NUP214: variants seen among roughly 807,000 people sequenced by gnomAD.
The protein encoded by NUP214 is nucleoporin 214.
NUP214 carries 79 observed loss-of-function variants against 196.2 expected under a neutral mutation model. The ratio of observed to expected loss-of-function variants is 0.40; its 90% confidence interval spans 0.34 to 0.49. NUP214 has a LOEUF of 0.49. Among genes scored for constraint, NUP214 ranks in the 20% least tolerant of loss-of-function variants. The pLI is 0.58. For synonymous variants in NUP214, 1,020 were observed against 990.5 expected, an observed-to-expected ratio of 1.03 and a Z score of -0.56; for missense variants, 2,468 against 2,539.0, an observed-to-expected ratio of 0.97 and a Z score of 0.60.
At chr9:131,193,051 A>G (rs1833657012) in intron 27 of NUP214, among the ~76,000 whole-genome samples, 1 of 151,134 alleles carries the variant, frequency 6.6e-6, no homozygotes, top group Non-Finnish European at 1.5e-5. Context: ...GAGGTTTTAT[A>G]TAGATGTGGA....
intron 11 of NUP214, among the ~76,000 whole-genome samples, chr9:131,142,798 G>A (rs1588128710): frequency 6.6e-6 from 1 of 152,022 alleles, no homozygotes; most frequent in African/African-American, 2.4e-5. Flanking sequence ...TTCAGAAAGT[G>A]GTATTTTCAT....
At position 131,174,163 on chromosome 9, in the gene NUP214, C is replaced by T. The variant is rs557980857; in HGVS notation, c.3002C>T (p.Thr1001Met). Residue 1001 changes from threonine to methionine, a missense_variant, in exon 22 of 36, where the codon ACG (threonine) becomes ATG (methionine). By Grantham distance (81) the Thr-to-Met change is moderately conservative. This residue lies in a region of NUP214 where 1,801 missense variants were observed against 1,779.4 expected (regional missense o/e 1.01). Transcript: ENST00000359428. ...TCTCTGGAGAGTGAAGATGCACGGA[C>T]GTCCTGTAAAGATGACGAGGCAGTG... is the stretch of plus-strand genomic sequence containing the variant. Reference protein sequence around the residue: ...SQSLESEDARTSCKDDEAVVQ... With the variant: ...SQSLESEDARMSCKDDEAVVQ... 1.4e-5 allele frequency: 22 copies of T among 1,613,652 alleles called. No homozygotes were observed. The highest frequency in any genetic ancestry group is 3.3e-5 in the Admixed American group (2 of 59,820).
Position 131,157,180 on chromosome 9 carries a change from C to T in NUP214, c.2437-2203C>T, listed in dbSNP as rs75617343. ...TTGTTTTGTTTTTTAATTTTGGACA[C>T]GGTCTTTCTCTGTTGCTTGGGCCAG... On this transcript the variant is annotated intron_variant, in intron 17 of 35. Coordinates refer to ENST00000359428, the MANE Select transcript of NUP214 (RefSeq NM_005085.4). 7.6e-3 allele frequency among the ~76,000 whole-genome samples: 1,146 copies of T among 151,136 alleles called. 13 individuals are homozygous for T. The highest frequency in any genetic ancestry group is 0.026 in the African/African-American group (1,075 of 41,156).
chr9:131,219,415 C>G (rs74506521), intron 31 of NUP214, among the ~76,000 whole-genome samples: 1 of 152,150 alleles, frequency 6.6e-6, no homozygotes, highest in Non-Finnish European at 1.5e-5. Context: ...ATTTATGCCC[C>G]GGGCTGCTTT....
chr9:131,227,075 A>T (rs1422745388), intron 32 of NUP214, among the ~76,000 whole-genome samples: 2 of 152,262 alleles, frequency 1.3e-5, no homozygotes, highest in African/African-American at 4.8e-5. Context: ...CACATTTCTT[A>T]TGCCATTCTA....
chr9:131,226,839 T>C (rs1357399332), intron 32 of NUP214, among the ~76,000 whole-genome samples: 1 of 152,204 alleles, frequency 6.6e-6, no homozygotes, highest in African/African-American at 2.4e-5. Context: ...AGCTGACAAC[T>C]TTTCATACCC....
In NUP214 at chr9:131,177,881, A is replaced by G. The variant is rs150611788; in HGVS notation, c.3320-430A>G. Among the ~76,000 whole-genome samples, 7 of 152,274 alleles carry G rather than the reference A, an allele frequency of 4.6e-5. No individual in the cohort carries two copies. In the East Asian group the frequency reaches 9.7e-4, roughly 21 times the overall value. ...AGAAGAAACTATAGATACATTTTGT[A>G]TTCGCAGCCCCTAACACAGAGCCTG... On this transcript the variant is annotated intron_variant, in intron 23 of 35. Transcript: ENST00000359428.
chr9:131,212,189 A>T (rs1253332631), intron 30 of NUP214, among the ~76,000 whole-genome samples: 1 of 152,142 alleles, frequency 6.6e-6, no homozygotes, highest in African/African-American at 2.4e-5. Flanking sequence ...CCTGCCTAGT[A>T]AATTTTAGTC....
intron 21 of NUP214, among the ~76,000 whole-genome samples, chr9:131,170,552 A>G (rs765623002): frequency 3.9e-5 from 6 of 152,138 alleles, no homozygotes; most frequent in Admixed American, 6.5e-5. Context: ...TAAAAATTTA[A>G]TTGCAAAAAT....
chr9:131,150,753 A>G lies in NUP214; in HGVS notation c.2265A>G (p.Lys755=). Residue 755 remains lysine (K), a synonymous_variant, in exon 16 of 36, where the codon AAA becomes AAG. Coordinates refer to ENST00000359428, the MANE Select transcript of NUP214 (RefSeq NM_005085.4). ...DDLHTFLLEI[K]ETTESLHGDI... Reference sequence around the variant, plus strand: ...TGCATACCTTTCTTTTGGAGATTAAAGAGACCACAGAGGTTTGTGTTTATG... The same window carrying G: ...TGCATACCTTTCTTTTGGAGATTAAGGAGACCACAGAGGTTTGTGTTTATG... The G allele has an allele frequency of 6.2e-7, 1 of 1,610,398 alleles. No individual in the cohort carries two copies. Among genetic ancestry groups the G allele is most frequent in the Non-Finnish European group, 8.5e-7 (1 of 1,179,026 alleles).
At chr9:131,171,710 C>T (rs1832964148) in intron 21 of NUP214, among the ~76,000 whole-genome samples, 1 of 152,116 alleles carries the variant, frequency 6.6e-6, no homozygotes, top group African/African-American at 2.4e-5. Flanking sequence ...CTCCTCCCCG[C>T]ACCCCACAAC....
intron 30 of NUP214, among the ~76,000 whole-genome samples, chr9:131,210,035 G>T (rs985636756): frequency 2.0e-5 from 3 of 152,150 alleles, no homozygotes; most frequent in Non-Finnish European, 4.4e-5. Flanking sequence ...TCAACCCTTA[G>T]TGAAATCTGA....
intron 4 of NUP214, 90 bp downstream of exon 4, chr9:131,129,567 G>T: frequency 3.0e-6 from 4 of 1,324,438 alleles, no homozygotes; most frequent in African/African-American, 1.5e-5. Context: ...ATAGCTTTTT[G>T]TGTTTTGGTT....
chr9:131,215,932 C>T (rs1232651899), intron 31 of NUP214, among the ~76,000 whole-genome samples: 4 of 102,858 alleles, frequency 3.9e-5, no homozygotes, highest in Admixed American at 1.3e-4. Context: ...GACAGAGTTT[C>T]ACTCTTGTTG....
At chr9:131,130,205 G>A (rs566830250) in intron 4 of NUP214, among the ~76,000 whole-genome samples, 17 of 138,148 alleles carry the variant, frequency 1.2e-4, no homozygotes, top group Non-Finnish European at 2.2e-4. Context: ...GTGCAGTGGC[G>A]CGATCTCAGC....
chr9:131,205,688 G>GT (rs1179362057), intron 30 of NUP214, among the ~76,000 whole-genome samples: 7 of 152,050 alleles, frequency 4.6e-5, no homozygotes, highest in Non-Finnish European at 8.8e-5. Flanking sequence ...GCCTAGGTTT[G>GT]TTTTTTTGTT....
At chr9:131,190,364 A>G in intron 26 of NUP214, 1 of 652,348 alleles carries the variant, frequency 1.5e-6, no homozygotes, top group Non-Finnish European at 2.7e-6. Flanking sequence ...ACTTTGCTTT[A>G]TGCATGTCTG....
At chr9:131,144,825 G>C in intron 12 of NUP214, 71 bp downstream of exon 12, 2 of 1,193,218 alleles carry the variant, frequency 1.7e-6, no homozygotes, top group Non-Finnish European at 2.3e-6. Context: ...ACTAAAAGTA[G>C]AGTCACTCTG....
rs1177974283 is a variant in NUP214, at chr9:131,139,264, T to C, written c.1006-17T>C. ...TTTTCTTCTTCTTCTTCTTTTTTTTTTTTTTTTTTTTTTTAGATTAATTGG... is the reference window on the plus strand; with the variant it reads ...TTTTCTTCTTCTTCTTCTTTTTTTTCTTTTTTTTTTTTTTAGATTAATTGG... On this transcript the variant is annotated splice_polypyrimidine_tract_variant and intron_variant, in intron 9 of 35. Coordinates refer to ENST00000359428, the MANE Select transcript of NUP214 (RefSeq NM_005085.4). The C allele has an allele frequency of 4.5e-6, 6 of 1,338,568 alleles. No homozygotes were observed. The African/African-American group carries it at 7.6e-5, about 17-fold the overall frequency. 82.9% of individuals were successfully genotyped at this position (1,338,568 alleles called of 1,614,324 possible). A position where few individuals can be genotyped will look rare whatever the true frequency, so the allele number is the denominator to read the frequency against.
Sources: gnomAD v4.1 joint callset for allele counts (sites outside exome capture counted in the v4.1 genomes callset) on GRCh38, gnomAD v4.1.1 for gene constraint, gnomAD v4.1.1 regional missense constraint, MANE v1.5 for transcripts, NCBI Gene and HGNC (gene_info 2026-07-23, HGNC 2026-07-21) for gene names.